The following PDK1 variants were observed in gnomAD, a reference collection of about 807,000 sequenced individuals.
PDK1 encodes the protein [Pyruvate dehydrogenase (acetyl-transferring)] kinase isozyme 1, mitochondrial.
A neutral mutation model predicts 54.2 loss-of-function variants in PDK1; 39 were observed. The observed-to-expected ratio is 0.72, with a 90% confidence interval of 0.56 to 0.94. The LOEUF is 0.94. Among genes scored for constraint, PDK1 ranks in the 40% least tolerant of loss-of-function variants. The probability of loss-of-function intolerance (pLI) is 0.00; values close to 1 mark genes in which losing one functional copy is unlikely to be tolerated. For synonymous variants in PDK1, 221 were observed against 207.1 expected (o/e 1.07, Z -0.58); for missense variants, 552 against 566.0 (o/e 0.98, Z 0.25).
At chr2:172,654,735 T>C in the PDK1 span, among the ~76,000 whole-genome samples, 23 of 152,260 alleles carry the variant, frequency 1.5e-4, no homozygotes, top group Non-Finnish European at 2.5e-4. Flanking sequence ...GTTGTGCACA[T>C]GTACCCTAGA....
Position 172,607,888 on chromosome 2 carries a change from A to G in PDK1, c.*11919A>G, listed in dbSNP as rs1287290122. 1 of 152,250 alleles carries G rather than the reference A, an allele frequency of 6.6e-6. No homozygotes were observed. Among genetic ancestry groups the G allele is most frequent in the Non-Finnish European group, 1.5e-5 (1 of 68,060 alleles). The allele number at this position is 152,250 out of a possible 1,614,324, so 9.4% of individuals were successfully genotyped here. A position where few individuals can be genotyped will look rare whatever the true frequency, so the allele number is the denominator to read the frequency against. On this transcript the variant is annotated 3_prime_UTR_variant, in exon 11 of 11. Transcript: ENST00000282077. Reference sequence around the variant, plus strand: ...CATACTCAGTGTATACTTACACTCCAAGACATTTCCTGGGCAGTGATCTAG... The same window carrying G: ...CATACTCAGTGTATACTTACACTCCGAGACATTTCCTGGGCAGTGATCTAG...
At chr2:172,636,152 C>T in the PDK1 span, among the ~76,000 whole-genome samples, 1 of 152,216 alleles carries the variant, frequency 6.6e-6, no homozygotes, top group African/African-American at 2.4e-5. Flanking sequence ...GACATATCTA[C>T]AGAAGGTCTA....
intron 7 of PDK1, among the ~76,000 whole-genome samples, chr2:172,570,424 C>T (rs1262589072): frequency 2.0e-5 from 3 of 152,062 alleles, no homozygotes; most frequent in Non-Finnish European, 4.4e-5. Context: ...CCATCATTTA[C>T]TAAAATTATA....
chr2:172,585,937 A>G (rs1329710513), intron 8 of PDK1, among the ~76,000 whole-genome samples: 5 of 152,094 alleles, frequency 3.3e-5, no homozygotes, highest in Non-Finnish European at 5.9e-5. Flanking sequence ...AGGCCAAGAC[A>G]GGCAGATCAT....
chr2:172,703,766 C>CTTTCT, the PDK1 span, among the ~76,000 whole-genome samples: 2 of 89,118 alleles, frequency 2.2e-5, no homozygotes, highest in African/African-American at 9.6e-5. Context: ...TTCTTTCTTT[C>CTTTCT]TTTTTTTTTT....
At chr2:172,666,860 G>T in the PDK1 span, among the ~76,000 whole-genome samples, 1 of 152,130 alleles carries the variant, frequency 6.6e-6, no homozygotes, top group African/African-American at 2.4e-5. Flanking sequence ...TCTTTGGAGA[G>T]GATCTCAGAA....
the PDK1 span, among the ~76,000 whole-genome samples, chr2:172,712,466 G>C: frequency 6.6e-6 from 1 of 152,200 alleles, no homozygotes; most frequent in African/African-American, 2.4e-5. Flanking sequence ...GGCACAGGGC[G>C]GTGAGGGGTG....
chr2:172,564,834 G>C (rs1220563050), intron 4 of PDK1, 144 bp from the exon 5 acceptor site: 1 of 850,988 alleles, frequency 1.2e-6, no homozygotes, highest in Non-Finnish European at 1.8e-6. Flanking sequence ...CATCAAGAAA[G>C]GTGTTTTTAT....
chr2:172,644,249 T>G, the PDK1 span, among the ~76,000 whole-genome samples: 3 of 152,046 alleles, frequency 2.0e-5, no homozygotes, highest in Non-Finnish European at 2.9e-5. Context: ...TAACAAGGAG[T>G]TGGGCTGCTG....
At chr2:172,560,562 C>T (rs1688603528) in intron 2 of PDK1, among the ~76,000 whole-genome samples, 1 of 152,128 alleles carries the variant, frequency 6.6e-6, no homozygotes, top group Non-Finnish European at 1.5e-5. Flanking sequence ...GATTCAAACC[C>T]CCATTTGTCC....
At chr2:172,655,500 A>C in the PDK1 span, among the ~76,000 whole-genome samples, 3 of 152,166 alleles carry the variant, frequency 2.0e-5, no homozygotes, top group Non-Finnish European at 4.4e-5. Context: ...ATTTTATTTA[A>C]CTTTCTTTTC....
Position 172,606,837 on chromosome 2 carries a change from G to T in PDK1, c.*10868G>T, listed in dbSNP as rs1691314201. The T allele has an allele frequency of 1.3e-5, 2 of 151,232 alleles. No individual in the cohort carries two copies. Among genetic ancestry groups the T allele is most frequent in the East Asian group, 3.9e-4 (2 of 5,130 alleles). The allele number at this position is 151,232 out of a possible 1,614,324, so 9.4% of individuals were successfully genotyped here. On this transcript the variant is annotated 3_prime_UTR_variant, in exon 11 of 11. Coordinates refer to ENST00000282077, the MANE Select transcript of PDK1 (RefSeq NM_002610.5). ...GTGTCATTCAGTACATCCACAATGTGCAATCACCACCTCTGTCTAGTTCCA... is the reference window on the plus strand; with the variant it reads ...GTGTCATTCAGTACATCCACAATGTTCAATCACCACCTCTGTCTAGTTCCA...
At chr2:172,708,553 A>G in the PDK1 span, among the ~76,000 whole-genome samples, 1 of 152,368 alleles carries the variant, frequency 6.6e-6, no homozygotes, top group Middle Eastern at 3.4e-3. Context: ...AGCAGTATAC[A>G]TATATCATTG....
chr2:172,612,793 G>A (rs993113046), downstream of PDK1, among the ~76,000 whole-genome samples: 1 of 151,988 alleles, frequency 6.6e-6, no homozygotes, highest in Non-Finnish European at 1.5e-5. Flanking sequence ...TCTAGTAGCT[G>A]GGATTACAGA....
At chr2:172,672,159 A>T in the PDK1 span, among the ~76,000 whole-genome samples, 1 of 152,138 alleles carries the variant, frequency 6.6e-6, no homozygotes, top group African/African-American at 2.4e-5. Flanking sequence ...TCCCAGAACT[A>T]TTGATTTTAT....
At chr2:172,712,510 A>G in the PDK1 span, among the ~76,000 whole-genome samples, 48 of 152,332 alleles carry the variant, frequency 3.2e-4, no homozygotes, top group African/African-American at 1.0e-3. Flanking sequence ...CACTGCACAC[A>G]GCCAGGCATG....
At chr2:172,650,131 G>A in the PDK1 span, among the ~76,000 whole-genome samples, 2 of 152,210 alleles carry the variant, frequency 1.3e-5, no homozygotes, top group Non-Finnish European at 2.9e-5. Flanking sequence ...CAGACTAACA[G>A]CGGATCTCTC....
chr2:172,707,976 G>A, the PDK1 span, among the ~76,000 whole-genome samples: 1 of 152,160 alleles, frequency 6.6e-6, no homozygotes, highest in Admixed American at 6.6e-5. Flanking sequence ...GAGTGCTTAG[G>A]GAGTGGGGAA....
the PDK1 span, among the ~76,000 whole-genome samples, chr2:172,625,290 C>T: frequency 6.6e-6 from 1 of 152,162 alleles, no homozygotes; most frequent in Non-Finnish European, 1.5e-5. Flanking sequence ...CTCCCCGTCC[C>T]CACTCTGACA....
Sources: allele counts gnomAD v4.1 joint callset (sites outside exome capture counted in the v4.1 genomes callset), GRCh38; gene constraint gnomAD v4.1.1; transcripts MANE v1.5; gene names NCBI Gene and HGNC (gene_info 2026-07-23, HGNC 2026-07-21).